Variants in PPP1R36 observed in about 807,000 individuals in gnomAD.
PPP1R36 encodes chromosome 14 open reading frame 50.
A neutral mutation model predicts 53.4 loss-of-function variants in PPP1R36; 47 were observed. That is an observed-to-expected ratio of 0.88 (90% CI 0.70 to 1.12). PPP1R36 has a LOEUF of 1.12. PPP1R36 is among the 50% of genes most tolerant of loss of function. The pLI is 0.00. For missense variants in PPP1R36, 456 were observed against 513.9 expected, an observed-to-expected ratio of 0.89 and a Z score of 1.09; for synonymous variants, 153 against 170.5, an observed-to-expected ratio of 0.90 and a Z score of 0.80.
chr14:64,566,442 CAAAA>C (rs55703167), intron 6 of PPP1R36, among the ~76,000 whole-genome samples: 13 of 133,494 alleles, frequency 9.7e-5, no homozygotes, highest in Admixed American at 1.5e-4. Flanking sequence ...GACTCCCTCT[CAAAA>C]AAAAAAAAAA....
intron 3 of PPP1R36, among the ~76,000 whole-genome samples, chr14:64,562,380 G>A (rs1266025984): frequency 1.3e-5 from 2 of 152,100 alleles, no homozygotes; most frequent in Non-Finnish European, 2.9e-5. Flanking sequence ...AGAATCGCTT[G>A]AACCCGGGAT....
chr14:64,572,726 T>C (rs2080312568), intron 7 of PPP1R36, among the ~76,000 whole-genome samples: 1 of 152,236 alleles, frequency 6.6e-6, no homozygotes, highest in Non-Finnish European at 1.5e-5. Flanking sequence ...TCATAATTCA[T>C]AGGTTTATTA....
Position 64,567,190 on chromosome 14 carries a change from A to T in PPP1R36, c.435-1159A>T, listed in dbSNP as rs568162079. 7.2e-5 allele frequency among the ~76,000 whole-genome samples: 11 copies of T among 152,378 alleles called. No homozygotes were observed. In the East Asian group the frequency reaches 1.9e-3, roughly 27 times the overall value. On this transcript the variant is annotated intron_variant, in intron 6 of 11. Coordinates refer to ENST00000298705, the MANE Select transcript of PPP1R36 (RefSeq NM_172365.3). ...TTCAGTAAAGCAATGCCAGAGAAAGAATTTCCATCTGGGGCCACAAAGAAG... is the reference window on the plus strand; with the variant it reads ...TTCAGTAAAGCAATGCCAGAGAAAGTATTTCCATCTGGGGCCACAAAGAAG...
At chr14:64,574,399 A>C in intron 7 of PPP1R36, 56 bp from the exon 8 acceptor site, 1 of 1,534,720 alleles carries the variant, frequency 6.5e-7, no homozygotes, top group Non-Finnish European at 8.8e-7. Context: ...TTGCTAGTTA[A>C]TATAGGCACT....
chr14:64,582,973 C>G (rs2080400637), intron 8 of PPP1R36, among the ~76,000 whole-genome samples: 1 of 150,264 alleles, frequency 6.7e-6, no homozygotes, highest in African/African-American at 2.4e-5. Context: ...CTCACTGCAG[C>G]CTCAACTTCC....
Position 64,553,417 on chromosome 14 carries a change from G to A in PPP1R36, c.182+556G>A, listed in dbSNP as rs2080113763. The stretch of plus-strand genomic sequence containing the variant: ...CATAAACTAGAGTTTCTTTTTGTTT[G>A]TTCCCAAATTGTTCTTAAACTGTGG... On this transcript the variant is annotated intron_variant, in intron 3 of 11. Coordinates refer to ENST00000298705, the MANE Select transcript of PPP1R36 (RefSeq NM_172365.3). Among the ~76,000 whole-genome samples, 2 of 152,028 alleles carry A rather than the reference G, an allele frequency of 1.3e-5. 1 individual carries two copies. Among genetic ancestry groups the A allele is most frequent in the South Asian group, 4.1e-4 (2 of 4,830 alleles).
intron 11 of PPP1R36, 63 bp from the exon 12 acceptor site, chr14:64,589,089 C>A (rs1221202032): frequency 4.0e-6 from 5 of 1,251,490 alleles, no homozygotes; most frequent in Admixed American, 1.9e-5. Context: ...CAATCACAGT[C>A]TCAACCCTGC....
intron 3 of PPP1R36, among the ~76,000 whole-genome samples, chr14:64,556,712 C>T (rs760100586): frequency 2.5e-4 from 37 of 147,282 alleles, no homozygotes; most frequent in Admixed American, 4.8e-4. Flanking sequence ...GTCATGATTG[C>T]GCCACTGTGC....
chr14:64,581,660 G>C (rs1435275899), intron 8 of PPP1R36, among the ~76,000 whole-genome samples: 1 of 151,796 alleles, frequency 6.6e-6, no homozygotes, highest in East Asian at 1.9e-4. Context: ...CCCTAAGTGT[G>C]GGGGGTGGTC....
intron 3 of PPP1R36, among the ~76,000 whole-genome samples, chr14:64,562,850 ATTT>A (rs987744964): frequency 6.6e-6 from 1 of 151,606 alleles, no homozygotes; most frequent in African/African-American, 2.4e-5. Flanking sequence ...TTATGATTTT[ATTT>A]TTTATTTTAT....
intron 3 of PPP1R36, among the ~76,000 whole-genome samples, chr14:64,563,898 G>A (rs968856023): frequency 6.6e-5 from 10 of 152,150 alleles, no homozygotes; most frequent in Non-Finnish European, 1.2e-4. Context: ...CAGGAACCTC[G>A]TCCTGTTAGT....
At chr14:64,570,350 C>A (rs1364043530) in intron 7 of PPP1R36, among the ~76,000 whole-genome samples, 1 of 152,020 alleles carries the variant, frequency 6.6e-6, no homozygotes, top group Admixed American at 6.6e-5. Context: ...GGCGTGGTGG[C>A]ACACTCCTGT....
At chr14:64,572,349 T>C (rs1425717525) in intron 7 of PPP1R36, among the ~76,000 whole-genome samples, 1 of 152,244 alleles carries the variant, frequency 6.6e-6, no homozygotes, top group Non-Finnish European at 1.5e-5. Context: ...AAGAATGTGC[T>C]TTAAAAGTGA....
At chr14:64,571,120 G>C (rs1009916594) in intron 7 of PPP1R36, among the ~76,000 whole-genome samples, 69 of 151,988 alleles carry the variant, frequency 4.5e-4, no homozygotes, top group African/African-American at 1.6e-3. Flanking sequence ...CTGTTTGTTT[G>C]TTTGTTTGTT....
At chr14:64,583,541 G>A (rs1314407789) in intron 8 of PPP1R36, among the ~76,000 whole-genome samples, 2 of 152,072 alleles carry the variant, frequency 1.3e-5, no homozygotes. Context: ...TAGGCCGGGC[G>A]CTGTGGCTCA....
In PPP1R36 at chr14:64,588,094, T is replaced by C; in HGVS notation, c.891-10T>C. On this transcript the variant is annotated splice_polypyrimidine_tract_variant and intron_variant, in intron 10 of 11. Coordinates refer to ENST00000298705, the MANE Select transcript of PPP1R36 (RefSeq NM_172365.3). ...TGATATGACCTAAATGTCACCTTCC[T>C]CCCCGACAGGAGAATGATGGCAAAA... 1 of 1,589,366 alleles carries C rather than the reference T, an allele frequency of 6.3e-7. No individual in the cohort carries two copies. Among genetic ancestry groups the C allele is most frequent in the Non-Finnish European group, 8.6e-7 (1 of 1,165,718 alleles).
chr14:64,554,478 A>G (rs1453540347), intron 3 of PPP1R36, among the ~76,000 whole-genome samples: 1 of 152,082 alleles, frequency 6.6e-6, no homozygotes, highest in African/African-American at 2.4e-5. Flanking sequence ...AGATAGTTCA[A>G]ACCTATCTGT....
chr14:64,574,060 G>A (rs983111703), intron 7 of PPP1R36, among the ~76,000 whole-genome samples: 1 of 151,430 alleles, frequency 6.6e-6, no homozygotes, highest in South Asian at 2.1e-4. Context: ...AGTGAAGTCT[G>A]TTGACTCACT....
intron 8 of PPP1R36, among the ~76,000 whole-genome samples, chr14:64,577,767 C>A (rs2080355244): frequency 7.6e-6 from 1 of 132,398 alleles, no homozygotes. Context: ...ACTCTGTCAC[C>A]CAGGCTGGAG....
Sources: allele counts gnomAD v4.1 joint callset (sites outside exome capture counted in the v4.1 genomes callset), GRCh38; gene constraint gnomAD v4.1.1; transcripts MANE v1.5; gene names NCBI Gene and HGNC (gene_info 2026-07-23, HGNC 2026-07-21).